Variants in CCSER1 observed in about 807,000 individuals in gnomAD.
CCSER1 encodes serine-rich coiled-coil domain-containing protein 1.
In CCSER1, 41 loss-of-function variants were observed where a neutral mutation model predicts 82.0. That is an observed-to-expected ratio of 0.50 (90% CI 0.39 to 0.65). The LOEUF (loss-of-function observed/expected upper bound fraction) is 0.65, where lower values mean the gene tolerates loss of function less well. CCSER1 is among the 30% of genes least tolerant of loss of function. CCSER1 has a pLI of 0.00. For synonymous variants in CCSER1, 414 were observed against 383.9 expected (o/e 1.08, Z -0.92); for missense variants, 1,119 against 1,064.2 (o/e 1.05, Z -0.72).
chr4:91,054,378 C>T (rs905524270), intron 9 of CCSER1, among the ~76,000 whole-genome samples: 4 of 152,078 alleles, frequency 2.6e-5, no homozygotes, highest in South Asian at 2.1e-4. Context: ...CTATTATTTA[C>T]CTAGTTTTCA....
chr4:90,166,107 AC>A (rs1451322255), intron 1 of CCSER1, among the ~76,000 whole-genome samples: 2 of 151,984 alleles, frequency 1.3e-5, no homozygotes, highest in Non-Finnish European at 2.9e-5. Flanking sequence ...TACTTTGAAC[AC>A]CCACACAACC....
chr4:90,602,261 T>C (rs1425072167), intron 5 of CCSER1, among the ~76,000 whole-genome samples: 1 of 152,164 alleles, frequency 6.6e-6, no homozygotes, highest in Non-Finnish European at 1.5e-5. Flanking sequence ...TTTTTCAATA[T>C]GGAATAAATT....
At chr4:90,890,462 T>C (rs1322459986) in intron 8 of CCSER1, among the ~76,000 whole-genome samples, 4 of 152,192 alleles carry the variant, frequency 2.6e-5, no homozygotes, top group South Asian at 2.1e-4. Flanking sequence ...AAGCAGCCAG[T>C]ACCGGACTGT....
chr4:90,763,685 G>A (rs1750755851), intron 7 of CCSER1, among the ~76,000 whole-genome samples: 1 of 152,062 alleles, frequency 6.6e-6, no homozygotes, highest in South Asian at 2.1e-4. Flanking sequence ...AGAGATGTAA[G>A]CACTTTGGGA....
intron 4 of CCSER1, among the ~76,000 whole-genome samples, chr4:90,433,828 A>G (rs1758634346): frequency 2.0e-5 from 3 of 151,788 alleles, no homozygotes; most frequent in South Asian, 2.1e-4. Context: ...ATATAATGGT[A>G]TTTTTGAATG....
In CCSER1 at chr4:91,491,598, C is replaced by G. The variant is rs527562845; in HGVS notation, c.2218-106974C>G. Among the ~76,000 whole-genome samples the G allele has an allele frequency of 1.7e-4, 26 of 152,112 alleles. No homozygotes were observed. In the East Asian group the frequency reaches 5.0e-3, roughly 29 times the overall value. On this transcript the variant is annotated intron_variant, in intron 10 of 10. Coordinates refer to ENST00000509176, the MANE Select transcript of CCSER1 (RefSeq NM_001145065.2). ...ATACCATATTATCAATATACCAAAA[C>G]CATATGTGAGCATTTTAAAAACTTA...
At chr4:90,384,078 G>A (rs544174620) in intron 3 of CCSER1, among the ~76,000 whole-genome samples, 4 of 151,262 alleles carry the variant, frequency 2.6e-5, no homozygotes, top group East Asian at 3.9e-4. Flanking sequence ...TTAGTTTTTC[G>A]AACCCTCGTT....
chr4:90,950,857 T>G (rs2150353931), intron 9 of CCSER1, among the ~76,000 whole-genome samples: 1 of 152,232 alleles, frequency 6.6e-6, no homozygotes, highest in East Asian at 1.9e-4. Context: ...TTTTGTCCCA[T>G]ACTTTTAGAG....
intron 10 of CCSER1, among the ~76,000 whole-genome samples, chr4:91,578,447 A>G (rs1441419286): frequency 1.3e-5 from 2 of 152,000 alleles, no homozygotes; most frequent in African/African-American, 4.8e-5. Context: ...TGCTGAATCT[A>G]TGTCACAATA....
At chr4:91,348,361 C>T (rs1748216814) in intron 10 of CCSER1, among the ~76,000 whole-genome samples, 1 of 152,022 alleles carries the variant, frequency 6.6e-6, no homozygotes, top group South Asian at 2.1e-4. Context: ...TCTTTATATA[C>T]ATTGTTGGAT....
At position 91,014,187 on chromosome 4, in the gene CCSER1, G is replaced by A. The variant is rs1032113013; in HGVS notation, c.2173-71763G>A. ...CTCCTTTATACCTGACATGGGAAAA[G>A]ATTTTGGCGACCATCATTTAGTATC... On this transcript the variant is annotated intron_variant, in intron 9 of 10. Coordinates refer to ENST00000509176, the MANE Select transcript of CCSER1 (RefSeq NM_001145065.2). 1.5e-5 allele frequency among the ~76,000 whole-genome samples: 2 copies of A among 133,450 alleles called. 1 individual carries two copies. Among genetic ancestry groups the A allele is most frequent in the Admixed American group, 1.5e-4 (2 of 13,276 alleles). The allele number at this position is 133,450 out of a possible 152,430, so 87.5% of individuals were successfully genotyped here.
At chr4:91,567,524 T>C (rs1195781977) in intron 10 of CCSER1, among the ~76,000 whole-genome samples, 3 of 152,142 alleles carry the variant, frequency 2.0e-5, no homozygotes, top group Non-Finnish European at 2.9e-5. Context: ...TTTCTCTTTG[T>C]AGATCTCTAA....
At chr4:91,068,787 T>C (rs981176940) in intron 9 of CCSER1, among the ~76,000 whole-genome samples, 1 of 152,206 alleles carries the variant, frequency 6.6e-6, no homozygotes, top group Non-Finnish European at 1.5e-5. Context: ...AGACTCCAGT[T>C]TGATATAGGT....
intron 10 of CCSER1, among the ~76,000 whole-genome samples, chr4:91,546,997 G>T (rs1761926709): frequency 3.9e-5 from 5 of 127,596 alleles, no homozygotes; most frequent in African/African-American, 8.8e-5. Flanking sequence ...TCACCCATGT[G>T]CTATTTAGGA....
intron 10 of CCSER1, among the ~76,000 whole-genome samples, chr4:91,086,384 A>G (rs536963991): frequency 6.6e-6 from 1 of 152,044 alleles, no homozygotes; most frequent in South Asian, 2.1e-4. Context: ...GGGATTCCTC[A>G]TTTTCCTGTC....
chr4:90,636,903 G>A (rs1725514090), intron 6 of CCSER1, among the ~76,000 whole-genome samples: 3 of 152,120 alleles, frequency 2.0e-5, no homozygotes, highest in African/African-American at 4.8e-5. Flanking sequence ...GAGCAGATAT[G>A]TTTGTTTATA....
At chr4:91,185,374 G>A (rs1734426747) in intron 10 of CCSER1, among the ~76,000 whole-genome samples, 2 of 152,154 alleles carry the variant, frequency 1.3e-5, no homozygotes, top group Non-Finnish European at 1.5e-5. Context: ...GTATGTATTT[G>A]TACACTTTTT....
In CCSER1 at chr4:91,030,684, G is replaced by A. The variant is rs187643059; in HGVS notation, c.2173-55266G>A. On this transcript the variant is annotated intron_variant, in intron 9 of 10. Transcript: ENST00000509176. ...ACAAATTGGTTTTGGGCCATATTGG[G>A]TCCATTGTACAATGCAAAAATGTAT... Among the ~76,000 whole-genome samples the A allele has an allele frequency of 3.9e-5, 6 of 151,960 alleles. No individual in the cohort carries two copies. In the East Asian group the frequency reaches 9.7e-4, roughly 25 times the overall value.
intron 10 of CCSER1, among the ~76,000 whole-genome samples, chr4:91,321,382 A>T (rs1746182178): frequency 6.6e-6 from 1 of 152,080 alleles, no homozygotes; most frequent in South Asian, 2.1e-4. Context: ...CCTGCAATTG[A>T]TAGAAGAAAC....
Sources: allele counts gnomAD v4.1 joint callset (sites outside exome capture counted in the v4.1 genomes callset), GRCh38; gene constraint gnomAD v4.1.1; transcripts MANE v1.5; gene names NCBI Gene and HGNC (gene_info 2026-07-23, HGNC 2026-07-21).